Variants in ITGB5 observed in about 807,000 individuals in gnomAD.
The protein encoded by ITGB5 is integrin subunit beta 5, also known as integrin beta-5.
A neutral mutation model predicts 84.8 loss-of-function variants in ITGB5; 38 were observed. The observed-to-expected ratio is 0.45, with a 90% CI of 0.35 to 0.59. ITGB5 has a LOEUF of 0.59. Among genes scored for constraint, ITGB5 ranks in the 20% least tolerant of loss-of-function variants. The probability of loss-of-function intolerance (pLI) is 0.01; values close to 1 mark genes in which losing one functional copy is unlikely to be tolerated. For synonymous variants in ITGB5, 393 were observed against 414.4 expected (o/e 0.95, Z 0.63); for missense variants, 905 against 1,034.5 (o/e 0.87, Z 1.72).
At chr3:124,846,945 G>C (rs1165412993) in intron 4 of ITGB5, among the ~76,000 whole-genome samples, 1 of 151,990 alleles carries the variant, frequency 6.6e-6, no homozygotes, top group East Asian at 1.9e-4. Flanking sequence ...AAAAAAAAAT[G>C]CAAATGCAGA....
At chr3:124,801,249 C>G (rs536682108) in intron 9 of ITGB5, among the ~76,000 whole-genome samples, 1 of 152,154 alleles carries the variant, frequency 6.6e-6, no homozygotes, top group Non-Finnish European at 1.5e-5. Flanking sequence ...TTTGTTGAAG[C>G]CAGTTCCTGA....
intron 9 of ITGB5, among the ~76,000 whole-genome samples, chr3:124,804,828 C>T (rs11707187): frequency 0.06 from 9,052 of 151,698 alleles, 420 homozygotes; most frequent in African/African-American, 0.12. Context: ...CACCACGCCC[C>T]GCTAATTTTT....
rs200580858 is a variant in ITGB5 at position 124,764,443 on chromosome 3, C to A, written c.2252G>T (p.Arg751Leu). The A allele has an allele frequency of 6.2e-7, 1 of 1,613,914 alleles. No homozygotes were observed. The highest frequency in any genetic ancestry group is 8.5e-7 in the Non-Finnish European group (1 of 1,179,946). The change falls in exon 14 of 15, where the codon CGG (arginine) becomes CTG (leucine). Residue 751 changes from arginine to leucine, a missense_variant. Physicochemically the swap from Arg to Leu is moderately radical, Grantham distance 102. Around this residue, in one of 3 missense-constraint regions of ITGB5, gnomAD observed 133 missense variants for 122.8 expected, o/e 1.08. Coordinates refer to ENST00000296181, the MANE Select transcript of ITGB5 (RefSeq NM_002213.5). ...IWKLLVTIHD[R>L]REFAKFQSER... ...GCTCTGAAACTTTGCAAACTCCCTC[C>A]GGTCGTGGATGGTGACAAGCAGCTT...
chr3:124,785,860 C>T (rs1043878447), intron 10 of ITGB5, among the ~76,000 whole-genome samples: 1 of 152,094 alleles, frequency 6.6e-6, no homozygotes, highest in African/African-American at 2.4e-5. Flanking sequence ...ATAAAGAACG[C>T]TTATAAGGTA....
chr3:124,872,490 C>G (rs1934103749), intron 2 of ITGB5, among the ~76,000 whole-genome samples: 2 of 152,122 alleles, frequency 1.3e-5, no homozygotes, highest in Admixed American at 1.3e-4. Flanking sequence ...TTAAAGGAAT[C>G]CCTAGACCTC....
intron 3 of ITGB5, among the ~76,000 whole-genome samples, chr3:124,857,609 A>G (rs1173425033): frequency 6.6e-6 from 1 of 152,184 alleles, no homozygotes; most frequent in East Asian, 1.9e-4. Context: ...AACAGCAAAA[A>G]ATCAGTAAAA....
intron 5 of ITGB5, among the ~76,000 whole-genome samples, chr3:124,829,484 A>G (rs2064829316): frequency 6.6e-6 from 1 of 152,290 alleles, no homozygotes; most frequent in Non-Finnish European, 1.5e-5. Context: ...TCCTGCTTCC[A>G]CACTCATGCG....
intron 8 of ITGB5, among the ~76,000 whole-genome samples, chr3:124,812,752 C>G (rs964440254): frequency 5.9e-5 from 9 of 152,224 alleles, no homozygotes; most frequent in Non-Finnish European, 1.2e-4. Flanking sequence ...TGATTTCACA[C>G]TCGGAGAGAT....
At chr3:124,775,301 T>C (rs2063909347) in intron 10 of ITGB5, among the ~76,000 whole-genome samples, 1 of 145,778 alleles carries the variant, frequency 6.9e-6, no homozygotes, top group South Asian at 2.2e-4. Flanking sequence ...CAAGTGTGCA[T>C]GAGTGTGTAC....
intron 10 of ITGB5, among the ~76,000 whole-genome samples, chr3:124,774,714 T>C (rs657571): frequency 0.067 from 10,127 of 152,230 alleles, 514 homozygotes; most frequent in African/African-American, 0.14. Context: ...CCCTGAGTCC[T>C]AGTTAGAAGC....
chr3:124,848,636 G>C, intron 3 of ITGB5, 78 bp from the exon 4 acceptor site: 1 of 1,485,226 alleles, frequency 6.7e-7, no homozygotes, highest in East Asian at 2.3e-5. Flanking sequence ...TGCTTTCAAA[G>C]CTAGTTTGCC....
intron 5 of ITGB5, among the ~76,000 whole-genome samples, chr3:124,825,307 C>T (rs1346078668): frequency 6.6e-6 from 1 of 151,996 alleles, no homozygotes; most frequent in Non-Finnish European, 1.5e-5. Flanking sequence ...TACAAAGTTA[C>T]ATATACACTT....
At chr3:124,768,592 A>G (rs904805492) in intron 12 of ITGB5, among the ~76,000 whole-genome samples, 3 of 152,224 alleles carry the variant, frequency 2.0e-5, no homozygotes, top group Admixed American at 6.5e-5. Flanking sequence ...TAGTGGCTCA[A>G]TAGTGTCCAC....
At chr3:124,875,769 A>C (rs1290342884) in intron 1 of ITGB5, among the ~76,000 whole-genome samples, 1 of 152,210 alleles carries the variant, frequency 6.6e-6, no homozygotes, top group Non-Finnish European at 1.5e-5. Context: ...GAATAAAGAA[A>C]ATGTGGTATT....
chr3:124,783,484 G>A (rs9825554), intron 10 of ITGB5, among the ~76,000 whole-genome samples: 5,367 of 152,100 alleles, frequency 0.035, 151 homozygotes, highest in African/African-American at 0.07. Flanking sequence ...TCTGTTTTAT[G>A]TTTCTGTGCC....
At chr3:124,801,609 C>T (rs1165158422) in intron 9 of ITGB5, among the ~76,000 whole-genome samples, 2 of 152,192 alleles carry the variant, frequency 1.3e-5, no homozygotes, top group Non-Finnish European at 2.9e-5. Context: ...CCTGATGACA[C>T]CTGAACTGTG....
At chr3:124,858,778 A>G (rs1034935744) in intron 3 of ITGB5, among the ~76,000 whole-genome samples, 1 of 152,242 alleles carries the variant, frequency 6.6e-6, no homozygotes, top group Non-Finnish European at 1.5e-5. Flanking sequence ...TTTAAACAAA[A>G]TTTAAAAACA....
intron 11 of ITGB5, among the ~76,000 whole-genome samples, chr3:124,772,894 C>T (rs1404679746): frequency 6.6e-6 from 1 of 150,714 alleles, no homozygotes; most frequent in Non-Finnish European, 1.5e-5. Context: ...AGGTCGGGTG[C>T]CTTTCTCTCC....
chr3:124,843,585 G>A (rs1452266144), intron 4 of ITGB5, among the ~76,000 whole-genome samples: 1 of 152,214 alleles, frequency 6.6e-6, no homozygotes, highest in Non-Finnish European at 1.5e-5. Context: ...AGCCTTCATT[G>A]TAGAGAATTT....
Sources: allele counts gnomAD v4.1 joint callset (sites outside exome capture counted in the v4.1 genomes callset), GRCh38; gene constraint gnomAD v4.1.1; regional missense constraint gnomAD v4.1.1; transcripts MANE v1.5; gene names NCBI Gene and HGNC (gene_info 2026-07-23, HGNC 2026-07-21).